The following CCSER1 variants were observed in gnomAD, a reference collection of about 807,000 sequenced individuals.
The protein encoded by CCSER1 is serine-rich coiled-coil domain-containing protein 1.
In CCSER1, 41 loss-of-function variants were observed where a neutral mutation model predicts 82.0. That is an observed-to-expected ratio of 0.50 (90% confidence interval 0.39 to 0.65). The LOEUF is 0.65. Among genes scored for constraint, CCSER1 ranks in the 30% least tolerant of loss-of-function variants. CCSER1 has a pLI of 0.00. For synonymous variants in CCSER1, 414 were observed against 383.9 expected, an observed-to-expected ratio of 1.08 and a Z score of -0.92; for missense variants, 1,119 against 1,064.2, an observed-to-expected ratio of 1.05 and a Z score of -0.72.
chr4:90,488,946 T>C (rs1308877229), intron 5 of CCSER1, among the ~76,000 whole-genome samples: 1 of 152,178 alleles, frequency 6.6e-6, no homozygotes, highest in African/African-American at 2.4e-5. Context: ...AGGTAGTCAG[T>C]TCACTAGTGA....
intron 7 of CCSER1, among the ~76,000 whole-genome samples, chr4:90,791,246 G>T (rs11097265): frequency 0.064 from 9,709 of 152,196 alleles, 424 homozygotes; most frequent in Admixed American, 0.11. Flanking sequence ...TGACATGTGG[G>T]GATTAAGGGA....
chr4:90,508,002 C>T (rs565715704), intron 5 of CCSER1, among the ~76,000 whole-genome samples: 9 of 151,618 alleles, frequency 5.9e-5, no homozygotes, highest in Non-Finnish European at 7.4e-5. Context: ...TAAATGTAAC[C>T]GATAATGTAG....
intron 10 of CCSER1, among the ~76,000 whole-genome samples, chr4:91,089,372 T>C (rs376002901): frequency 1.3e-5 from 2 of 152,230 alleles, no homozygotes; most frequent in Non-Finnish European, 2.9e-5. Flanking sequence ...GTTTTGGGTC[T>C]GGTGCCTGGC....
chr4:91,455,889 C>T (rs771243452), intron 10 of CCSER1, among the ~76,000 whole-genome samples: 5 of 151,934 alleles, frequency 3.3e-5, no homozygotes, highest in Admixed American at 6.6e-5. Flanking sequence ...TCTTTAAAGT[C>T]GAGGGAAAAT....
chr4:90,893,792 T>TGGGGG (rs1554038055), intron 8 of CCSER1, among the ~76,000 whole-genome samples: 22 of 145,326 alleles, frequency 1.5e-4, no homozygotes, highest in Non-Finnish European at 2.5e-4. Context: ...TGTGTGTGTG[T>TGGGGG]GGGGGGTGAA....
intron 10 of CCSER1, among the ~76,000 whole-genome samples, chr4:91,146,423 A>T (rs1729543565): frequency 6.6e-6 from 1 of 152,048 alleles, no homozygotes; most frequent in Admixed American, 6.6e-5. Flanking sequence ...TATGTCTGTC[A>T]TTTCAGACAT....
chr4:90,977,292 A>G (rs1185194389), intron 9 of CCSER1, among the ~76,000 whole-genome samples: 18 of 151,662 alleles, frequency 1.2e-4, no homozygotes, highest in East Asian at 1.9e-4. Flanking sequence ...AAGAAACAAA[A>G]CTAAATTCCT....
At chr4:91,004,129 C>G (rs1036900458) in intron 9 of CCSER1, among the ~76,000 whole-genome samples, 1 of 152,182 alleles carries the variant, frequency 6.6e-6, no homozygotes, top group Non-Finnish European at 1.5e-5. Flanking sequence ...TGTGGGTTAT[C>G]TCGGCTCTTC....
rs116008518 is a variant in CCSER1, at chr4:91,354,290, C to T, written c.2218-244282C>T. Among the ~76,000 whole-genome samples the T allele has an allele frequency of 9.0e-3, 1,365 of 152,236 alleles. 16 individuals carry two copies. Among genetic ancestry groups the T allele is most frequent in the African/African-American group, 0.031 (1,288 of 41,544 alleles). On this transcript the variant is annotated intron_variant, in intron 10 of 10. Coordinates refer to ENST00000509176, the MANE Select transcript of CCSER1 (RefSeq NM_001145065.2). ...TCACTTACAGCTATGCTTCATTTTTCGTGGGAAGCATAGACTGGGAAGCCC... is the reference window on the plus strand; with the variant it reads ...TCACTTACAGCTATGCTTCATTTTTTGTGGGAAGCATAGACTGGGAAGCCC...
At chr4:91,416,062 C>T (rs902834168) in intron 10 of CCSER1, among the ~76,000 whole-genome samples, 4 of 151,942 alleles carry the variant, frequency 2.6e-5, no homozygotes, top group Non-Finnish European at 4.4e-5. Context: ...TTATTACTGC[C>T]TCAGTTTCAG....
rs1772606435 is a variant in CCSER1, at chr4:90,518,573, G to A, written c.1724+50219G>A. Among the ~76,000 whole-genome samples the A allele has an allele frequency of 2.0e-5, 3 of 151,922 alleles. No homozygotes were observed. The South Asian group carries it at 6.2e-4, about 31-fold the overall frequency. ...CTTAAGTGTCCATATACTTAGGAGG[G>A]TGAAGCACCTTTCAGTTGGTAATAA... is the stretch of plus-strand genomic sequence containing the variant. On this transcript the variant is annotated intron_variant, in intron 5 of 10. Transcript: ENST00000509176.
chr4:90,493,093 T>C (rs1269141761), intron 5 of CCSER1, among the ~76,000 whole-genome samples: 2 of 152,106 alleles, frequency 1.3e-5, no homozygotes, highest in Non-Finnish European at 2.9e-5. Flanking sequence ...CTGAAAAACA[T>C]GGCACGAGAA....
At chr4:90,727,414 G>A in intron 7 of CCSER1, 1 of 391,110 alleles carries the variant, frequency 2.6e-6, no homozygotes, top group South Asian at 1.9e-5. Context: ...GTTTTTTATA[G>A]TTTTCTGAGG....
chr4:91,190,090 C>G (rs1325915679), intron 10 of CCSER1, among the ~76,000 whole-genome samples: 1 of 152,160 alleles, frequency 6.6e-6, no homozygotes, highest in African/African-American at 2.4e-5. Flanking sequence ...TACTAGATGC[C>G]TGCACTCCAT....
At chr4:91,047,635 T>A (rs1742628370) in intron 9 of CCSER1, among the ~76,000 whole-genome samples, 1 of 152,146 alleles carries the variant, frequency 6.6e-6, no homozygotes, top group African/African-American at 2.4e-5. Context: ...TCATTTAGAT[T>A]TCAGATTACC....
chr4:91,507,897 A>G (rs141387607), intron 10 of CCSER1, among the ~76,000 whole-genome samples: 24 of 151,424 alleles, frequency 1.6e-4, no homozygotes, highest in Admixed American at 2.6e-4. Flanking sequence ...CTGTATAGAG[A>G]TAAAATTAAT....
intron 1 of CCSER1, among the ~76,000 whole-genome samples, chr4:90,151,178 A>G (rs1274522319): frequency 6.6e-6 from 1 of 152,092 alleles, no homozygotes; most frequent in East Asian, 1.9e-4. Context: ...ACCTAAGAAA[A>G]TCGTACTTAT....
intron 9 of CCSER1, among the ~76,000 whole-genome samples, chr4:90,971,814 G>A (rs1011504565): frequency 1.3e-5 from 2 of 151,638 alleles, no homozygotes; most frequent in African/African-American, 4.9e-5. Flanking sequence ...TGGTAAAGTG[G>A]GATTTAACCA....
At chr4:91,021,891 TAAAC>T (rs1740010790) in intron 9 of CCSER1, among the ~76,000 whole-genome samples, 1 of 152,204 alleles carries the variant, frequency 6.6e-6, no homozygotes, top group South Asian at 2.1e-4. Context: ...TCTATATGCA[TAAAC>T]AAATATATAG....
Sources: allele counts gnomAD v4.1 joint callset (sites outside exome capture counted in the v4.1 genomes callset), GRCh38; gene constraint gnomAD v4.1.1; transcripts MANE v1.5; gene names NCBI Gene and HGNC (gene_info 2026-07-23, HGNC 2026-07-21).